The following TENM3 variants were observed in gnomAD, a reference collection of about 807,000 sequenced individuals.
TENM3 encodes the protein teneurin transmembrane protein 3.
A neutral mutation model predicts 255.1 loss-of-function variants in TENM3; 63 were observed. The observed-to-expected ratio is 0.25, with a 90% confidence interval of 0.20 to 0.30. The LOEUF (loss-of-function observed/expected upper bound fraction) is 0.30. Ranked by LOEUF, TENM3 falls within the 10% of genes least tolerant of loss-of-function variation. The pLI, the probability that TENM3 is intolerant of heterozygous loss-of-function variation, is 1.00. For missense variants in TENM3, 2,929 were observed against 3,461.1 expected (o/e 0.85, Z 3.86); for synonymous variants, 1,306 against 1,322.3 (o/e 0.99, Z 0.27).
the TENM3 span, among the ~76,000 whole-genome samples, chr4:181,721,242 G>A: frequency 4.6e-5 from 7 of 151,872 alleles, no homozygotes; most frequent in African/African-American, 1.7e-4. Flanking sequence ...AAAGAAGCAA[G>A]GTCAAGGTAG....
intron 3 of TENM3, among the ~76,000 whole-genome samples, chr4:182,510,185 T>A (rs1737247562): frequency 6.6e-6 from 1 of 152,204 alleles, no homozygotes; most frequent in African/African-American, 2.4e-5. Context: ...TTTGTTTTGT[T>A]TTCTAATAAA....
At chr4:182,047,460 G>A in the TENM3 span, among the ~76,000 whole-genome samples, 2 of 150,064 alleles carry the variant, frequency 1.3e-5, no homozygotes, top group African/African-American at 4.9e-5. Context: ...TACTCAGGAG[G>A]CTGAGGCAGG....
the TENM3 span, among the ~76,000 whole-genome samples, chr4:181,829,583 A>G: frequency 2.4e-4 from 37 of 152,330 alleles, no homozygotes; most frequent in African/African-American, 8.7e-4. Flanking sequence ...TTGGTAAATG[A>G]AAAGGACAGT....
At chr4:182,360,243 G>C (rs1765865713) in intron 3 of TENM3, among the ~76,000 whole-genome samples, 1 of 128,298 alleles carries the variant, frequency 7.8e-6, no homozygotes, top group South Asian at 3.1e-4. Flanking sequence ...AGGTCCGCTT[G>C]GTGCAGAGCT....
chr4:181,999,155 G>T, the TENM3 span, among the ~76,000 whole-genome samples: 5 of 152,118 alleles, frequency 3.3e-5, no homozygotes, highest in South Asian at 8.3e-4. Flanking sequence ...CAGCAACCTT[G>T]TCTCTCATCC....
At chr4:181,611,721 A>C in the TENM3 span, among the ~76,000 whole-genome samples, 1 of 152,246 alleles carries the variant, frequency 6.6e-6, no homozygotes, top group Non-Finnish European at 1.5e-5. Context: ...AAATGCAAAT[A>C]AAATGCTGCA....
chr4:182,503,367 A>G (rs996805418), intron 3 of TENM3, among the ~76,000 whole-genome samples: 2 of 152,158 alleles, frequency 1.3e-5, no homozygotes, highest in African/African-American at 4.8e-5. Flanking sequence ...CAGTGGGTTC[A>G]GTTGGCAGAC....
chr4:181,675,186 C>T, the TENM3 span, among the ~76,000 whole-genome samples: 1,104 of 152,074 alleles, frequency 7.3e-3, 11 homozygotes, highest in African/African-American at 0.025. Context: ...ATAGAATGCC[C>T]TTTTGAAATT....
chr4:182,209,309 G>A (rs2149878074), intron 1 of TENM3, among the ~76,000 whole-genome samples: 1 of 149,584 alleles, frequency 6.7e-6, no homozygotes, highest in Non-Finnish European at 1.5e-5. Context: ...TCGTTGTTTT[G>A]ACACTGCCAT....
At chr4:182,545,455 T>C (rs1580889579) in intron 3 of TENM3, among the ~76,000 whole-genome samples, 1 of 152,084 alleles carries the variant, frequency 6.6e-6, no homozygotes, top group East Asian at 1.9e-4. Flanking sequence ...GCTTGGTTTC[T>C]AGCAGCCAGA....
the TENM3 span, among the ~76,000 whole-genome samples, chr4:181,563,944 T>C: frequency 6.6e-6 from 1 of 152,296 alleles, no homozygotes; most frequent in East Asian, 1.9e-4. Context: ...TCACATAATA[T>C]TTGTGTATTA....
chr4:182,432,849 G>GGGGTGTGTGTGTGT (rs747628733), intron 3 of TENM3, among the ~76,000 whole-genome samples: 11 of 143,080 alleles, frequency 7.7e-5, no homozygotes, highest in Middle Eastern at 3.6e-3. Flanking sequence ...AATGGATTTG[G>GGGGTGTGTGTGTGT]GTGTGTGTGT....
intron 3 of TENM3, among the ~76,000 whole-genome samples, chr4:182,559,917 G>A (rs1204094992): frequency 6.6e-6 from 1 of 151,628 alleles, no homozygotes; most frequent in Admixed American, 6.6e-5. Flanking sequence ...GAATATAATT[G>A]GATTGTTTAT....
chr4:182,279,807 G>A (rs972787449), intron 1 of TENM3, among the ~76,000 whole-genome samples: 1 of 152,022 alleles, frequency 6.6e-6, no homozygotes, highest in Non-Finnish European at 1.5e-5. Flanking sequence ...CACATCCCAG[G>A]AGCTCTGTGG....
At chr4:181,716,876 C>T in the TENM3 span, among the ~76,000 whole-genome samples, 3 of 152,156 alleles carry the variant, frequency 2.0e-5, no homozygotes, top group Admixed American at 6.5e-5. Context: ...TTCTCCACCC[C>T]ACCTCTGGGT....
chr4:182,789,329 G>C lies in TENM3; in HGVS notation c.5541G>C (p.Gly1847=). The change falls in exon 25 of 28, where the codon GGG becomes GGC. Residue 1847 remains glycine, a synonymous_variant. Coordinates refer to ENST00000511685, the MANE Select transcript of TENM3 (RefSeq NM_001080477.4). The surrounding 1 kb of genome is among the most constrained non-coding windows in gnomAD (Gnocchi z 4.4). ...AGAAAGTAGATTATGACGGACAGGGGAGGATCGTGTCTCGGGTCTTTGCTG... is the reference window on the plus strand; with the variant it reads ...AGAAAGTAGATTATGACGGACAGGGCAGGATCGTGTCTCGGGTCTTTGCTG... ...TSEKVDYDGQ[G]RIVSRVFADG... The C allele has an allele frequency of 6.2e-7, 1 of 1,613,884 alleles. No homozygotes were observed. Among genetic ancestry groups the C allele is most frequent in the Non-Finnish European group, 8.5e-7 (1 of 1,179,860 alleles).
At chr4:182,335,486 C>T (rs1764066015) in intron 2 of TENM3, among the ~76,000 whole-genome samples, 1 of 92,736 alleles carries the variant, frequency 1.1e-5, no homozygotes, top group African/African-American at 4.0e-5. Flanking sequence ...CAGAGCGAGA[C>T]TCCGCCTCAA....
At chr4:182,141,022 C>T (rs976429518), upstream of TENM3, among the ~76,000 whole-genome samples, 6 of 137,414 alleles carry the variant, frequency 4.4e-5, no homozygotes, top group South Asian at 2.5e-4. Context: ...TGAGAGGCTT[C>T]CAAAGGCCCC....
At chr4:181,963,290 G>C in the TENM3 span, among the ~76,000 whole-genome samples, 1 of 152,186 alleles carries the variant, frequency 6.6e-6, no homozygotes, top group Non-Finnish European at 1.5e-5. Context: ...TCAATGACTA[G>C]TTGAATATAA....
Sources: gnomAD v4.1 joint callset for allele counts (sites outside exome capture counted in the v4.1 genomes callset) on GRCh38, gnomAD v4.1.1 for gene constraint, Gnocchi (gnomAD v3.1) non-coding constraint, MANE v1.5 for transcripts, NCBI Gene and HGNC (gene_info 2026-07-23, HGNC 2026-07-21) for gene names.